PCDHAC2: variants seen among roughly 807,000 people sequenced by gnomAD.
PCDHAC2 encodes the protein protocadherin alpha-C2.
Under a neutral mutation model 63.3 loss-of-function variants are expected in PCDHAC2, and 24 were observed. The observed-to-expected ratio is 0.38, with a 90% CI of 0.27 to 0.53. The LOEUF (loss-of-function observed/expected upper bound fraction) is 0.53. Ranked by LOEUF, PCDHAC2 falls within the 20% of genes least tolerant of loss-of-function variation. PCDHAC2 has a pLI of 0.81. For synonymous variants in PCDHAC2, 569 were observed against 529.4 expected, an observed-to-expected ratio of 1.07 and a Z score of -1.03; for missense variants, 1,181 against 1,275.2, an observed-to-expected ratio of 0.93 and a Z score of 1.12.
Position 140,967,944 on chromosome 5 carries a change from A to T in PCDHAC2, c.1178A>T (p.Asp393Val). ...IVAVLSVNDQ[D>V]SGPNRKVSLG... The stretch of plus-strand genomic sequence containing the variant: ...GCCGTTCTCAGTGTCAATGACCAAG[A>T]CTCAGGCCCCAACCGGAAAGTGAGC... Residue 393 changes from aspartate (D) to valine (V), a missense_variant, in exon 1 of 4, where the codon GAC (aspartate) becomes GTC (valine). By Grantham distance (152) the Asp-to-Val change is radical (BLOSUM62 -3). This residue lies in a region of PCDHAC2 where 968 missense variants were observed against 1,073.5 expected (regional missense o/e 0.90). Coordinates refer to ENST00000289269, the MANE Select transcript of PCDHAC2 (RefSeq NM_018899.6). 1 of 1,614,088 alleles carries T rather than the reference A, an allele frequency of 6.2e-7. No individual in the cohort carries two copies. The highest frequency in any genetic ancestry group is 8.5e-7 in the Non-Finnish European group (1 of 1,180,008).
intron 1 of PCDHAC2, 78 bp from the exon 2 acceptor site, chr5:140,978,871 T>A (rs1328301924): frequency 6.2e-7 from 1 of 1,606,392 alleles, no homozygotes; most frequent in Non-Finnish European, 8.5e-7. Context: ...TTTAAGGGAG[T>A]AACTAATCAA....
rs1285443769 is a variant in PCDHAC2, at chr5:141,010,273, G to A, written c.*336G>A. 3.9e-6 allele frequency: 6 copies of A among 1,551,420 alleles called. No individual in the cohort carries two copies. The African/African-American group carries it at 8.2e-5, about 21-fold the overall frequency. Reference sequence around the variant, plus strand: ...CTCTGCCCTGTGCTCCGGGGATCCTGTCTTGATGACACTTGCAGGGCAGGC... The same window carrying A: ...CTCTGCCCTGTGCTCCGGGGATCCTATCTTGATGACACTTGCAGGGCAGGC... On this transcript the variant is annotated 3_prime_UTR_variant, in exon 4 of 4. Coordinates refer to ENST00000289269, the MANE Select transcript of PCDHAC2 (RefSeq NM_018899.6).
At chr5:140,981,533 C>A (rs1045779820) in intron 2 of PCDHAC2, among the ~76,000 whole-genome samples, 9 of 152,154 alleles carry the variant, frequency 5.9e-5, no homozygotes, top group African/African-American at 2.2e-4. Context: ...GAGATCGTGC[C>A]ACTGTACTCC....
chr5:140,995,372 G>A (rs1363484150), intron 3 of PCDHAC2, among the ~76,000 whole-genome samples: 3 of 152,168 alleles, frequency 2.0e-5, no homozygotes, highest in African/African-American at 7.2e-5. Context: ...GATGATTCAC[G>A]TACTGGGCAG....
intron 3 of PCDHAC2, among the ~76,000 whole-genome samples, chr5:140,997,668 T>G (rs2097778117): frequency 6.7e-6 from 1 of 148,344 alleles, no homozygotes; most frequent in African/African-American, 2.5e-5. Flanking sequence ...ATTATACAGC[T>G]TGTGTGTGTG....
At chr5:141,000,513 C>G (rs1258002727) in intron 3 of PCDHAC2, among the ~76,000 whole-genome samples, 2 of 143,802 alleles carry the variant, frequency 1.4e-5, no homozygotes, top group African/African-American at 5.2e-5. Context: ...CTGCAACCTC[C>G]TTCTCCAGGG....
At chr5:141,000,833 G>A (rs1554257850) in intron 3 of PCDHAC2, among the ~76,000 whole-genome samples, 2 of 151,930 alleles carry the variant, frequency 1.3e-5, no homozygotes, top group Non-Finnish European at 2.9e-5. Flanking sequence ...CTTGAGTCCA[G>A]GAGATCCAGT....
intron 1 of PCDHAC2, among the ~76,000 whole-genome samples, chr5:140,977,768 A>G (rs1264929933): frequency 1.3e-5 from 2 of 152,218 alleles, no homozygotes; most frequent in Non-Finnish European, 1.5e-5. Context: ...AATACTTTGC[A>G]TCCCTTAAAG....
intron 3 of PCDHAC2, among the ~76,000 whole-genome samples, chr5:140,985,542 C>T (rs2097157092): frequency 6.6e-6 from 1 of 152,106 alleles, no homozygotes; most frequent in African/African-American, 2.4e-5. Context: ...GGTGAAGATG[C>T]AGTTGCTTCC....
At chr5:140,994,864 G>A (rs2097653681) in intron 3 of PCDHAC2, among the ~76,000 whole-genome samples, 1 of 152,114 alleles carries the variant, frequency 6.6e-6, no homozygotes, top group Non-Finnish European at 1.5e-5. Context: ...TGATGGATGT[G>A]GTAGAATAAA....
chr5:140,992,857 CTCT>C (rs2097531206), intron 3 of PCDHAC2, among the ~76,000 whole-genome samples: 2 of 152,148 alleles, frequency 1.3e-5, no homozygotes, highest in Non-Finnish European at 2.9e-5. Context: ...ACCAGTTTCA[CTCT>C]AGCTCCCTCC....
rs147537783 is a variant in PCDHAC2 at position 140,982,491 on chromosome 5, G to C, written c.2641G>C (p.Glu881Gln). 1 of 1,614,076 alleles carries C rather than the reference G, an allele frequency of 6.2e-7. No individual in the cohort carries two copies. Among genetic ancestry groups the C allele is most frequent in the African/African-American group, 1.3e-5 (1 of 74,924 alleles). The change falls in exon 3 of 4, where the codon GAG becomes CAG. Residue 881 changes from glutamate to glutamine, a missense_variant. Physicochemically the swap from Glu to Gln is conservative, Grantham distance 29. Around this residue, in one of 3 missense-constraint regions of PCDHAC2, gnomAD observed 968 missense variants for 1,073.5 expected, o/e 0.90. Coordinates refer to ENST00000289269, the MANE Select transcript of PCDHAC2 (RefSeq NM_018899.6). ...TTTATTCAGCTCTGTGCACCTAGAG[G>C]AGGCTGGCATTCTACGGGCTGGTCC... is the stretch of plus-strand genomic sequence containing the variant. ...AGMHSSVHLE[E>Q]AGILRAGPGG...
chr5:140,982,705 T>A, intron 3 of PCDHAC2, 142 bp downstream of exon 3: 1 of 1,376,850 alleles, frequency 7.3e-7, no homozygotes, highest in Non-Finnish European at 9.5e-7. Flanking sequence ...CATGATTTCC[T>A]TACATATATG....
intron 3 of PCDHAC2, among the ~76,000 whole-genome samples, chr5:141,000,001 T>C (rs2097888294): frequency 6.6e-6 from 1 of 152,030 alleles, no homozygotes; most frequent in African/African-American, 2.4e-5. Flanking sequence ...TGGTATTAGA[T>C]TGGCCTCCCC....
At chr5:140,974,652 C>T (rs1238427822) in intron 1 of PCDHAC2, among the ~76,000 whole-genome samples, 2 of 152,078 alleles carry the variant, frequency 1.3e-5, no homozygotes, top group East Asian at 1.9e-4. Context: ...GCTGAGATTA[C>T]AGGCATGCGC....
At chr5:140,976,310 G>A (rs1216220776) in intron 1 of PCDHAC2, among the ~76,000 whole-genome samples, 1 of 152,036 alleles carries the variant, frequency 6.6e-6, no homozygotes, top group African/African-American at 2.4e-5. Context: ...CAGCACTTTG[G>A]GAGGCCGAGG....
At chr5:140,980,515 A>G (rs779201653) in intron 2 of PCDHAC2, among the ~76,000 whole-genome samples, 18 of 152,182 alleles carry the variant, frequency 1.2e-4, no homozygotes, top group Non-Finnish European at 2.5e-4. Flanking sequence ...CTGTAGTTCC[A>G]GCTACTAGGG....
chr5:140,976,887 C>T (rs933700917), intron 1 of PCDHAC2, among the ~76,000 whole-genome samples: 2 of 152,150 alleles, frequency 1.3e-5, no homozygotes, highest in Non-Finnish European at 2.9e-5. Flanking sequence ...AATTAGGATA[C>T]ATGCAACAGT....
chr5:140,990,379 G>C (rs1554251452), intron 3 of PCDHAC2, among the ~76,000 whole-genome samples: 3 of 152,092 alleles, frequency 2.0e-5, no homozygotes. Context: ...CAAATTTGTT[G>C]GTGATGTTCC....
Sources: gnomAD v4.1 joint callset for allele counts (sites outside exome capture counted in the v4.1 genomes callset) on GRCh38, gnomAD v4.1.1 for gene constraint, gnomAD v4.1.1 regional missense constraint, MANE v1.5 for transcripts, NCBI Gene and HGNC (gene_info 2026-07-23, HGNC 2026-07-21) for gene names.